Variants in STX8 observed in about 807,000 individuals in gnomAD.
The protein encoded by STX8 is syntaxin-8.
A neutral mutation model predicts 37.5 loss-of-function variants in STX8; 23 were observed. That is an observed-to-expected ratio of 0.61 (90% CI 0.44 to 0.87). STX8 has a LOEUF of 0.87. STX8 is among the 40% of genes least tolerant of loss of function. The pLI is 0.00. For missense variants in STX8, 313 were observed against 284.7 expected (o/e 1.10, Z -0.71); for synonymous variants, 115 against 99.1 (o/e 1.16, Z -0.95).
chr17:9,557,836 G>A (rs1567609473), intron 2 of STX8, among the ~76,000 whole-genome samples: 1 of 152,114 alleles, frequency 6.6e-6, no homozygotes, highest in Non-Finnish European at 1.5e-5. Flanking sequence ...TGTCACCTGA[G>A]CTTCTACCCC....
At chr17:9,379,128 C>A (rs1157474738) in intron 6 of STX8, among the ~76,000 whole-genome samples, 2 of 151,510 alleles carry the variant, frequency 1.3e-5, no homozygotes, top group African/African-American at 4.9e-5. Flanking sequence ...ACCTGTAATC[C>A]CAGCTACTCG....
chr17:9,540,572 T>G (rs1185706321), intron 4 of STX8: 2 of 152,240 alleles, frequency 1.3e-5, no homozygotes, highest in Non-Finnish European at 2.9e-5. Flanking sequence ...AATGATTTTC[T>G]TTCTTCATGG....
intron 5 of STX8, among the ~76,000 whole-genome samples, chr17:9,499,195 A>C (rs993063354): frequency 6.6e-6 from 1 of 152,322 alleles, no homozygotes; most frequent in South Asian, 2.1e-4. Context: ...CACGGGCTAA[A>C]GGAAGTCAGA....
chr17:9,492,229 A>C (rs1906881819), intron 5 of STX8, among the ~76,000 whole-genome samples: 1 of 152,202 alleles, frequency 6.6e-6, no homozygotes, highest in African/African-American at 2.4e-5. Flanking sequence ...AAAAGACTGA[A>C]TATCCCAATT....
At chr17:9,454,072 A>ATT (rs1385621711) in intron 6 of STX8, among the ~76,000 whole-genome samples, 1 of 152,184 alleles carries the variant, frequency 6.6e-6, no homozygotes, top group Non-Finnish European at 1.5e-5. Flanking sequence ...TGTTTTCTAC[A>ATT]TTATATATAC....
At chr17:9,436,345 G>T (rs1233177626) in intron 6 of STX8, among the ~76,000 whole-genome samples, 2 of 112,716 alleles carry the variant, frequency 1.8e-5, no homozygotes, top group Non-Finnish European at 3.7e-5. Flanking sequence ...AGCCTCCATC[G>T]CAAAAAAAAA....
intron 6 of STX8, among the ~76,000 whole-genome samples, chr17:9,427,414 A>C (rs890445189): frequency 6.6e-6 from 1 of 152,168 alleles, no homozygotes; most frequent in South Asian, 2.1e-4. Context: ...CAGGACAAAA[A>C]TCCATGTCGG....
At chr17:9,518,329 C>G (rs1309017327) in intron 4 of STX8, among the ~76,000 whole-genome samples, 1 of 149,352 alleles carries the variant, frequency 6.7e-6, no homozygotes, top group African/African-American at 2.6e-5. Flanking sequence ...TACCAGACCC[C>G]TCTTCCAGGC....
intron 5 of STX8, among the ~76,000 whole-genome samples, chr17:9,494,504 T>A (rs1907011723): frequency 6.7e-6 from 1 of 148,322 alleles, no homozygotes; most frequent in Non-Finnish European, 1.5e-5. Flanking sequence ...ATGCCTATAG[T>A]CCCAGCTACT....
rs36048368 is a variant in STX8 at position 9,253,207 on chromosome 17, GGTGTGTGTGT to G, written c.644-2572_644-2563del. On this transcript the variant is annotated intron_variant, in intron 7 of 7. Coordinates refer to ENST00000306357, the MANE Select transcript of STX8 (RefSeq NM_004853.3). The stretch of plus-strand genomic sequence containing the variant: ...CTTGCAGCAAGAAGGCAGGGGTAGG[GGTGTGTGTGT>G]GTGTGTGTGTGTGTGTGTGTGTGTG... Among the ~76,000 whole-genome samples the G allele has an allele frequency of 9.9e-3, 1,400 of 141,024 alleles. 30 individuals are homozygous for G. Among genetic ancestry groups the G allele is most frequent in the African/African-American group, 0.033 (1,259 of 37,750 alleles). 92.5% of individuals were successfully genotyped at this position (141,024 alleles called of 152,430 possible).
chr17:9,271,748 CAAAAAAAA>C (rs71135959), intron 7 of STX8, among the ~76,000 whole-genome samples: 18 of 63,502 alleles, frequency 2.8e-4, no homozygotes, highest in African/African-American at 9.3e-4. Flanking sequence ...GACTCCATCT[CAAAAAAAA>C]AAAAAAAAAA....
At position 9,545,229 on chromosome 17, in the gene STX8, C is replaced by A; in HGVS notation, c.266G>T (p.Arg89Leu). The A allele has an allele frequency of 6.2e-7, 1 of 1,614,146 alleles. No homozygotes were observed. The highest frequency in any genetic ancestry group is 1.1e-5 in the South Asian group (1 of 91,072). Residue 89 changes from arginine to leucine, a missense_variant, in exon 4 of 8, where the codon CGA (arginine) becomes CTA (leucine). Coordinates refer to ENST00000306357, the MANE Select transcript of STX8 (RefSeq NM_004853.3). ...AAAGGATGCCAGAAGTAGTCTCTCT[C>A]GAGTTACAAGATCATCCAAGAGGTT... ...RQNLLDDLVT[R>L]ERLLLASFKN...
intron 7 of STX8, among the ~76,000 whole-genome samples, chr17:9,260,375 G>A (rs1200465329): frequency 6.6e-6 from 1 of 152,132 alleles, no homozygotes; most frequent in Non-Finnish European, 1.5e-5. Flanking sequence ...TGTAATCCCA[G>A]CAATTTGGGA....
chr17:9,338,604 G>A (rs1400267761), intron 7 of STX8, among the ~76,000 whole-genome samples: 1 of 152,136 alleles, frequency 6.6e-6, no homozygotes, highest in Non-Finnish European at 1.5e-5. Flanking sequence ...CTCCATTTCT[G>A]CAGTGAGATT....
chr17:9,310,404 C>T (rs1230311584), intron 7 of STX8, among the ~76,000 whole-genome samples: 1 of 152,196 alleles, frequency 6.6e-6, no homozygotes, highest in African/African-American at 2.4e-5. Flanking sequence ...GAATAAAACA[C>T]ATCTGCTTCT....
intron 1 of STX8, among the ~76,000 whole-genome samples, chr17:9,575,567 G>A (rs1157315038): frequency 6.6e-6 from 1 of 152,220 alleles, no homozygotes; most frequent in Admixed American, 6.5e-5. Context: ...TTTGGCGTAA[G>A]TCCTCAGCTC....
intron 7 of STX8, among the ~76,000 whole-genome samples, chr17:9,295,750 C>T (rs992456149): frequency 6.6e-6 from 1 of 151,392 alleles, no homozygotes; most frequent in Non-Finnish European, 1.5e-5. Context: ...CCCCCTCCCC[C>T]CCAAAAAAAG....
chr17:9,315,119 A>C (rs1364636153), intron 7 of STX8, among the ~76,000 whole-genome samples: 1 of 150,550 alleles, frequency 6.6e-6, no homozygotes, highest in East Asian at 2.0e-4. Context: ...AAAAAAAACC[A>C]ACAACAACAA....
intron 7 of STX8, among the ~76,000 whole-genome samples, chr17:9,265,080 C>T (rs148184350): frequency 1.3e-5 from 2 of 148,778 alleles, no homozygotes; most frequent in African/African-American, 5.0e-5. Context: ...GATTGTGCCA[C>T]TGCACTCCAG....
Sources: gnomAD v4.1 joint callset for allele counts (sites outside exome capture counted in the v4.1 genomes callset) on GRCh38, gnomAD v4.1.1 for gene constraint, MANE v1.5 for transcripts, NCBI Gene and HGNC (gene_info 2026-07-23, HGNC 2026-07-21) for gene names.